The following ADAMTS6 variants were observed in gnomAD, a reference collection of about 807,000 sequenced individuals.
The protein encoded by ADAMTS6 is A disintegrin and metalloproteinase with thrombospondin motifs 6.
A neutral mutation model predicts 144.3 loss-of-function variants in ADAMTS6; 23 were observed. The observed-to-expected ratio is 0.16, with a 90% CI of 0.11 to 0.23. The LOEUF (loss-of-function observed/expected upper bound fraction) is 0.23. Ranked by LOEUF, ADAMTS6 falls within the 10% of genes least tolerant of loss-of-function variation. The probability of loss-of-function intolerance (pLI) is 1.00; values close to 1 mark genes in which losing one functional copy is unlikely to be tolerated. For missense variants in ADAMTS6, 999 were observed against 1,379.6 expected (o/e 0.72, Z 4.37); for synonymous variants, 444 against 457.5 (o/e 0.97, Z 0.38).
intron 21 of ADAMTS6, among the ~76,000 whole-genome samples, chr5:65,194,241 G>A (rs1475584573): frequency 7.2e-5 from 11 of 152,158 alleles, no homozygotes; most frequent in Admixed American, 1.3e-4. Context: ...TGATAAGAAA[G>A]CAATACACAT....
intron 7 of ADAMTS6, among the ~76,000 whole-genome samples, chr5:65,338,982 C>T: frequency 6.6e-6 from 1 of 152,140 alleles, no homozygotes; most frequent in East Asian, 1.9e-4. Context: ...CACTCATGTC[C>T]TGGACCTGAG....
intron 7 of ADAMTS6, among the ~76,000 whole-genome samples, chr5:65,432,083 A>G (rs1341552132): frequency 6.6e-6 from 1 of 152,084 alleles, no homozygotes; most frequent in Non-Finnish European, 1.5e-5. Flanking sequence ...TTGGCCTATT[A>G]TTAAGGTGTA....
chr5:65,224,476 A>C, intron 17 of ADAMTS6, 76 bp from the exon 18 acceptor site: 1 of 1,222,404 alleles, frequency 8.2e-7, no homozygotes, highest in Non-Finnish European at 1.2e-6. Context: ...CAATAGTAAT[A>C]GTTTCCTTAT....
chr5:65,206,819 T>TCC (rs1409528857), intron 20 of ADAMTS6, among the ~76,000 whole-genome samples: 13 of 124,432 alleles, frequency 1.0e-4, no homozygotes, highest in Non-Finnish European at 2.0e-4. Flanking sequence ...GCTGTTTTTT[T>TCC]TCTCTCTCTC....
chr5:65,210,100 G>A (rs111310419), intron 20 of ADAMTS6: 16 of 220,536 alleles, frequency 7.3e-5, no homozygotes, highest in African/African-American at 1.1e-4. Flanking sequence ...ATGCTGCAGC[G>A]TACTATATTG....
chr5:65,421,078 T>C (rs1755995069), intron 7 of ADAMTS6, among the ~76,000 whole-genome samples: 1 of 152,204 alleles, frequency 6.6e-6, no homozygotes, highest in African/African-American at 2.4e-5. Context: ...AATGTTAATA[T>C]TGAGATATGA....
At chr5:65,281,821 C>A (rs1763009422) in intron 11 of ADAMTS6, among the ~76,000 whole-genome samples, 1 of 151,918 alleles carries the variant, frequency 6.6e-6, no homozygotes, top group South Asian at 2.1e-4. Flanking sequence ...TAAAATAGGG[C>A]TTTTTTGATC....
intron 4 of ADAMTS6, among the ~76,000 whole-genome samples, chr5:65,458,022 G>A (rs1759358327): frequency 6.6e-6 from 1 of 151,828 alleles, no homozygotes; most frequent in Admixed American, 6.6e-5. Flanking sequence ...ACCGTGCCCG[G>A]CCTGAATCCT....
chr5:65,366,028 TGG>T, intron 7 of ADAMTS6, among the ~76,000 whole-genome samples: 1 of 152,276 alleles, frequency 6.6e-6, no homozygotes, highest in East Asian at 1.9e-4. Flanking sequence ...AAATCTCTTT[TGG>T]TACCATAGGT....
chr5:65,262,879 T>A lies in ADAMTS6; in HGVS notation c.1704A>T (p.Gly568=). The A allele has an allele frequency of 6.2e-7, 1 of 1,611,096 alleles. No homozygotes were observed. The highest frequency in any genetic ancestry group is 8.5e-7 in the Non-Finnish European group (1 of 1,178,588). The change falls in exon 13 of 25, where the codon GGA becomes GGT. Residue 568 remains glycine (G), a synonymous_variant. Transcript: ENST00000381055. Reference sequence around the variant, plus strand: ...CTCCCCCGCAGGTCCTGCTGCACTCTCCCCATAGTGACCAGGGACCCCAGC... The same window carrying A: ...CTCCCCCGCAGGTCCTGCTGCACTCACCCCATAGTGACCAGGGACCCCAGC... ...DGGWGPWSLW[G]ECSRTCGGGV... is the part of the protein sequence containing the mutation.
chr5:65,475,927 C>T (rs1760812497), intron 1 of ADAMTS6, among the ~76,000 whole-genome samples: 2 of 152,144 alleles, frequency 1.3e-5, no homozygotes, highest in Admixed American at 1.3e-4. Context: ...CTCTGATGAG[C>T]CCAATAATCT....
chr5:65,178,278 T>C (rs1754107053), intron 22 of ADAMTS6, among the ~76,000 whole-genome samples: 1 of 152,212 alleles, frequency 6.6e-6, no homozygotes, highest in African/African-American at 2.4e-5. Flanking sequence ...GAAAGCCCCT[T>C]ATGGGTCTTT....
intron 10 of ADAMTS6, among the ~76,000 whole-genome samples, chr5:65,298,913 A>G (rs1743109276): frequency 1.3e-5 from 2 of 152,120 alleles, no homozygotes; most frequent in Admixed American, 1.3e-4. Context: ...GGAAATTTTA[A>G]TAAATAATGT....
intron 24 of ADAMTS6, among the ~76,000 whole-genome samples, chr5:65,156,859 C>T (rs1462605987): frequency 6.6e-6 from 1 of 152,204 alleles, no homozygotes; most frequent in Non-Finnish European, 1.5e-5. Context: ...CCTTTCTACC[C>T]TTTTCCTGTG....
chr5:65,346,381 TGA>T (rs1580453296), intron 7 of ADAMTS6, among the ~76,000 whole-genome samples: 1 of 151,872 alleles, frequency 6.6e-6, no homozygotes, highest in East Asian at 1.9e-4. Flanking sequence ...AAAAATCATA[TGA>T]TCATCTCAAT....
chr5:65,208,175 G>C (rs1756247880), intron 20 of ADAMTS6, among the ~76,000 whole-genome samples: 2 of 152,152 alleles, frequency 1.3e-5, no homozygotes, highest in African/African-American at 4.8e-5. Context: ...TGTTAGTAAT[G>C]CTCCCAGAGG....
At chr5:65,366,821 G>A (rs544209534) in intron 7 of ADAMTS6, among the ~76,000 whole-genome samples, 5 of 152,146 alleles carry the variant, frequency 3.3e-5, no homozygotes, top group Non-Finnish European at 7.3e-5. Context: ...TTCAGTAGTA[G>A]AGCTGCTCTG....
intron 24 of ADAMTS6, among the ~76,000 whole-genome samples, chr5:65,163,954 T>G: frequency 6.6e-6 from 1 of 152,042 alleles, no homozygotes; most frequent in Admixed American, 6.5e-5. Flanking sequence ...GTCACGATTG[T>G]GGCCGGGGGG....
chr5:65,460,321 T>C lies in ADAMTS6; in HGVS notation c.480A>G (p.Thr160=). 6.2e-7 allele frequency: 1 copy of C among 1,611,918 alleles called. No individual in the cohort carries two copies. The highest frequency in any genetic ancestry group is 8.5e-7 in the Non-Finnish European group (1 of 1,179,056). ...NCVGLHGVIA[T]EDEEYFIEPL... ...GTTCGATAAAATACTCTTCATCTTC[T>C]GTAGCAATAACACCATGCTAAAAGA... The change falls in exon 4 of 25, where the codon ACA becomes ACG. Residue 160 remains threonine (T), a synonymous_variant. Coordinates refer to ENST00000381055, the MANE Select transcript of ADAMTS6 (RefSeq NM_197941.4).
Sources: allele counts gnomAD v4.1 joint callset (sites outside exome capture counted in the v4.1 genomes callset), GRCh38; gene constraint gnomAD v4.1.1; transcripts MANE v1.5; gene names NCBI Gene and HGNC (gene_info 2026-07-23, HGNC 2026-07-21).